Variants in LATS2 observed in about 807,000 individuals in gnomAD.
The protein encoded by LATS2 is large tumor suppressor kinase 2.
A neutral mutation model predicts 76.0 loss-of-function variants in LATS2; 24 were observed. That is an observed-to-expected ratio of 0.32 (90% CI 0.23 to 0.44). The LOEUF (loss-of-function observed/expected upper bound fraction) is 0.44. Among genes scored for constraint, LATS2 ranks in the 20% least tolerant of loss-of-function variants. The pLI, the probability that LATS2 is intolerant of heterozygous loss-of-function variation, is 1.00. For missense variants in LATS2, 1,286 were observed against 1,481.2 expected, an observed-to-expected ratio of 0.87 and a Z score of 2.16; for synonymous variants, 692 against 635.4, an observed-to-expected ratio of 1.09 and a Z score of -1.34.
In LATS2 at chr13:20,974,692, C is replaced by CCCT. The variant is rs1260136543; in HGVS notation, c.*177_*178insAGG. 1.6e-6 allele frequency: 1 copy of CCCT among 626,228 alleles called. No homozygotes were observed. Among genetic ancestry groups the CCCT allele is most frequent in the Non-Finnish European group, 2.7e-6 (1 of 368,844 alleles). The allele number at this position is 626,228 out of a possible 1,614,324, so 38.8% of individuals were successfully genotyped here. A position where few individuals can be genotyped will look rare whatever the true frequency, so the allele number is the denominator to read the frequency against. Reference sequence around the variant, plus strand: ...AAGCCTATTGAAAGCGATGCTGAGTCCTGTTTTCAAAAGTGTCCTGTTTGG... The same window carrying CCCT: ...AAGCCTATTGAAAGCGATGCTGAGTCCCTCTGTTTTCAAAAGTGTCCTGTTTGG... On this transcript the variant is annotated 3_prime_UTR_variant, in exon 8 of 8. Coordinates refer to ENST00000382592, the MANE Select transcript of LATS2 (RefSeq NM_014572.3).
chr13:21,014,178 CA>C (rs1214515018), intron 2 of LATS2, among the ~76,000 whole-genome samples: 1 of 151,972 alleles, frequency 6.6e-6, no homozygotes, highest in Non-Finnish European at 1.5e-5. Flanking sequence ...GAGTCGGGGG[CA>C]GGGGGAAAGG....
Position 20,991,353 on chromosome 13 carries a change from C to A in LATS2, c.394G>T (p.Ala132Ser). 1.9e-6 allele frequency: 3 copies of A among 1,614,158 alleles called. No homozygotes were observed. Among genetic ancestry groups the A allele is most frequent in the Non-Finnish European group, 2.5e-6 (3 of 1,180,050 alleles). ...KQTGSRSIEA[A>S]LEYISKMGYL... ...CCCATCTTGCTGATGTACTCCAGGG[C>A]GGCCTCGATGCTCCTGCTGCCAGTC... Residue 132 changes from alanine (A) to serine (S), a missense_variant, in exon 3 of 8, where the codon GCC becomes TCC. Ala to Ser is a moderately conservative substitution (Grantham distance 99). Coordinates refer to ENST00000382592, the MANE Select transcript of LATS2 (RefSeq NM_014572.3). The surrounding 1 kb of genome is among the most constrained non-coding windows in gnomAD (Gnocchi z 4.9).
In LATS2 at chr13:20,976,802, T is replaced by C. The variant is rs1046139029; in HGVS notation, c.2773-1438A>G. On this transcript the variant is annotated intron_variant, in intron 7 of 7. Coordinates refer to ENST00000382592, the MANE Select transcript of LATS2 (RefSeq NM_014572.3). ...AAAACAAAAACAGGAAAATACTTAT[T>C]GAGGATGTAGGGAAACTGAACACTC... Among the ~76,000 whole-genome samples, 3 of 152,266 alleles carry C rather than the reference T, an allele frequency of 2.0e-5. No individual in the cohort carries two copies. In the South Asian group the frequency reaches 6.2e-4, roughly 32 times the overall value.
chr13:20,999,873 A>AG (rs1463214366), intron 2 of LATS2, among the ~76,000 whole-genome samples: 1 of 151,314 alleles, frequency 6.6e-6, no homozygotes, highest in Non-Finnish European at 1.5e-5. Flanking sequence ...CAAAAAAAAA[A>AG]AAAAAATAGC....
At position 20,989,727 on chromosome 13, in the gene LATS2, T is replaced by A. The variant is rs147587032; in HGVS notation, c.476-423A>T. ...TACCGACACACGGTTCCCAAAGCGC[T>A]GCTCCCTCACAGAAAGGGCAGAACT... is the stretch of plus-strand genomic sequence containing the variant. On this transcript the variant is annotated intron_variant, in intron 3 of 7. Coordinates refer to ENST00000382592, the MANE Select transcript of LATS2 (RefSeq NM_014572.3). 1.3e-3 allele frequency among the ~76,000 whole-genome samples: 196 copies of A among 152,348 alleles called. 1 individual carries two copies. The highest frequency in any genetic ancestry group is 4.6e-3 in the African/African-American group (191 of 41,574).
intron 2 of LATS2, among the ~76,000 whole-genome samples, chr13:21,039,997 C>T (rs1177621155): frequency 1.3e-5 from 2 of 151,532 alleles, no homozygotes; most frequent in African/African-American, 2.4e-5. Flanking sequence ...CACTTGAATC[C>T]GGAAGGCAGA....
At chr13:21,034,877 C>G (rs185011478) in intron 2 of LATS2, among the ~76,000 whole-genome samples, 1 of 152,254 alleles carries the variant, frequency 6.6e-6, no homozygotes, top group East Asian at 1.9e-4. Context: ...TAGAAGATTA[C>G]AAATTGTAAA....
rs957875252 is a variant in LATS2 at position 20,987,911 on chromosome 13, C to T, written c.1869G>A (p.Arg623=). The T allele has an allele frequency of 1.9e-6, 3 of 1,613,520 alleles. No individual in the cohort carries two copies. Among genetic ancestry groups the T allele is most frequent in the South Asian group, 1.1e-5 (1 of 91,024 alleles). ...VIKTYQQKVN[R]RLQLEQEMAK... The stretch of plus-strand genomic sequence containing the variant: ...CCATTTCTTGCTCCAGCTGCAGCCT[C>T]CGGTTAACCTTCTGCTGGTAGGTTT... The change falls in exon 4 of 8, where the codon CGG becomes CGA. Residue 623 remains arginine (R), a synonymous_variant. Coordinates refer to ENST00000382592, the MANE Select transcript of LATS2 (RefSeq NM_014572.3).
intron 7 of LATS2, among the ~76,000 whole-genome samples, chr13:20,977,470 G>A (rs1869674291): frequency 6.6e-6 from 1 of 151,852 alleles, no homozygotes; most frequent in African/African-American, 2.4e-5. Flanking sequence ...CTGAAAAGGA[G>A]AGTGGGGAGT....
intron 4 of LATS2, among the ~76,000 whole-genome samples, chr13:20,987,213 AAAAATAAAAAT>A (rs1870193173): frequency 5.9e-5 from 2 of 33,992 alleles, no homozygotes; most frequent in Non-Finnish European, 9.7e-5. Context: ...TTAAAAAATA[AAAAATAAAAAT>A]AAAAAAAACA....
intron 4 of LATS2, among the ~76,000 whole-genome samples, chr13:20,986,343 C>A (rs2138280959): frequency 6.6e-6 from 1 of 152,282 alleles, no homozygotes; most frequent in South Asian, 2.1e-4. Flanking sequence ...GCACTATTCA[C>A]AACAGTAAAA....
chr13:21,053,287 T>C (rs1873341576), intron 1 of LATS2, among the ~76,000 whole-genome samples: 1 of 131,618 alleles, frequency 7.6e-6, no homozygotes, highest in Admixed American at 7.8e-5. Flanking sequence ...CCTGGCTCAC[T>C]CCTACTCCTA....
chr13:21,005,729 A>G (rs1264898585), intron 2 of LATS2: 9 of 149,932 alleles, frequency 6.0e-5, no homozygotes, highest in African/African-American at 2.2e-4. Context: ...ACATGAGGCC[A>G]GGAGTTGGAG....
Position 20,979,698 on chromosome 13 carries a change from T to C in LATS2, c.2765A>G (p.Gln922Arg). 2 of 1,597,664 alleles carry C rather than the reference T, an allele frequency of 1.3e-6. No homozygotes were observed. The highest frequency in any genetic ancestry group is 1.7e-6 in the Non-Finnish European group (2 of 1,165,388). ...PFLAPTPTETQLKVINWENTL... is the reference protein window; with the variant it reads ...PFLAPTPTETRLKVINWENTL... ...TGGTTCCTCTCACATTACCTTCAGC[T>C]GGGTTTCTGTGGGAGTAGGTGCCAA... Residue 922 changes from glutamine (Q) to arginine (R), a missense_variant, in exon 7 of 8, where the codon CAG becomes CGG. This residue lies in a region of LATS2 where 210 missense variants were observed against 234.9 expected (regional missense o/e 0.89). Transcript: ENST00000382592.
chr13:21,000,763 G>C (rs1871006811), intron 2 of LATS2, among the ~76,000 whole-genome samples: 1 of 152,130 alleles, frequency 6.6e-6, no homozygotes, highest in African/African-American at 2.4e-5. Context: ...CACTGTTCTA[G>C]ATGGTATGTA....
intron 1 of LATS2, among the ~76,000 whole-genome samples, chr13:21,051,016 G>T (rs1873257969): frequency 6.6e-6 from 1 of 152,202 alleles, no homozygotes; most frequent in Non-Finnish European, 1.5e-5. Flanking sequence ...GAAAGAAATG[G>T]TCTTAGTGCA....
chr13:20,987,224 T>TAA (rs11434989), intron 4 of LATS2, among the ~76,000 whole-genome samples: 23 of 130,062 alleles, frequency 1.8e-4, no homozygotes, highest in East Asian at 4.0e-4. Flanking sequence ...AAAATAAAAA[T>TAA]AAAAAAAACA....
rs535986104 is a variant in LATS2, at chr13:20,983,969, C to T, written c.1900-163G>A. ...CATATACTACAGAGTCTCGCTCTGT[C>T]GCCTAGGCTGGAGTGCAGTGGCACA... is the stretch of plus-strand genomic sequence containing the variant. On this transcript the variant is annotated intron_variant, in intron 4 of 7. Transcript: ENST00000382592. 1.2e-4 allele frequency among the ~76,000 whole-genome samples: 18 copies of T among 152,288 alleles called. No individual in the cohort carries two copies. The South Asian group carries it at 2.9e-3, about 25-fold the overall frequency.
intron 2 of LATS2, among the ~76,000 whole-genome samples, chr13:20,993,856 C>T (rs967161708): frequency 5.9e-5 from 9 of 152,260 alleles, no homozygotes; most frequent in African/African-American, 2.2e-4. Flanking sequence ...GTGGGATCAC[C>T]CTGGAGCTTT....
Sources: allele counts gnomAD v4.1 joint callset (sites outside exome capture counted in the v4.1 genomes callset), GRCh38; gene constraint gnomAD v4.1.1; regional missense constraint gnomAD v4.1.1; non-coding constraint Gnocchi (gnomAD v3.1); transcripts MANE v1.5; gene names NCBI Gene and HGNC (gene_info 2026-07-23, HGNC 2026-07-21).